The following LAMA1 variants were observed in gnomAD, a reference collection of about 807,000 sequenced individuals.
LAMA1 encodes the protein laminin subunit alpha 1, also known as laminin subunit alpha-1.
LAMA1 carries 219 observed loss-of-function variants against 348.7 expected under a neutral mutation model. That is an observed-to-expected ratio of 0.63 (90% CI 0.56 to 0.70). LAMA1 has a LOEUF of 0.70. LAMA1 is among the 30% of genes least tolerant of loss of function. The pLI, the probability that LAMA1 is intolerant of heterozygous loss-of-function variation, is 0.00. For missense variants in LAMA1, 3,744 were observed against 3,888.0 expected, an observed-to-expected ratio of 0.96 and a Z score of 0.99; for synonymous variants, 1,487 against 1,491.0, an observed-to-expected ratio of 1.00 and a Z score of 0.06.
At position 7,011,417 on chromosome 18, in the gene LAMA1, C is replaced by T. The variant is rs148253534; in HGVS notation, c.3570G>A (p.Thr1190=). Residue 1190 remains threonine (T), a synonymous_variant, in exon 25 of 63, where the codon ACG becomes ACA. Transcript: ENST00000389658. The part of the protein sequence containing the change: ...RVVSQSNLRG[T]TEGVYYQAPD... ...GGGCCTGGTAGTAAACCCCCTCGGT[C>T]GTGCCCCTCAAGTTACTCTGAGAAA... 9.3e-6 allele frequency: 15 copies of T among 1,608,492 alleles called. No individual in the cohort carries two copies. The highest frequency in any genetic ancestry group is 2.7e-5 in the African/African-American group (2 of 74,842).
chr18:6,991,386 CTTCTT>C (rs2057757797), intron 36 of LAMA1, among the ~76,000 whole-genome samples: 1 of 137,170 alleles, frequency 7.3e-6, no homozygotes, highest in African/African-American at 2.7e-5. Context: ...TCCACTTCTT[CTTCTT>C]TTTTTTTTTT....
intron 1 of LAMA1, among the ~76,000 whole-genome samples, chr18:7,103,183 C>A (rs923041306): frequency 6.6e-6 from 1 of 152,038 alleles, no homozygotes; most frequent in Admixed American, 6.5e-5. Context: ...TTTGGGAGGC[C>A]GAGGCAGGCG....
intron 50 of LAMA1, 129 bp downstream of exon 50, chr18:6,965,159 C>T: frequency 2.5e-6 from 3 of 1,218,156 alleles, no homozygotes; most frequent in Non-Finnish European, 3.6e-6. Context: ...CCAAAGACAA[C>T]ACTGGCTTCC....
rs754834851 is a variant in LAMA1, at chr18:7,007,090, G to A, written c.4260+49C>T. 34 of 1,608,410 alleles carry A rather than the reference G, an allele frequency of 2.1e-5. No homozygotes were observed. The East Asian group carries it at 2.7e-4, about 13-fold the overall frequency. ...TTAGACCGGAAATCTGACACTCAGCGTCCACTTTACTTCTAAACTCAGGCA... is the reference window on the plus strand; with the variant it reads ...TTAGACCGGAAATCTGACACTCAGCATCCACTTTACTTCTAAACTCAGGCA... On this transcript the variant is annotated intron_variant, in intron 29 of 62. Transcript: ENST00000389658.
At chr18:6,956,578 G>A in intron 56 of LAMA1, 58 bp downstream of exon 56, 1 of 1,611,864 alleles carries the variant, frequency 6.2e-7, no homozygotes, top group Non-Finnish European at 8.5e-7. Context: ...AACTCCCTCT[G>A]TCCTAGGCCC....
In LAMA1 at chr18:7,023,277, C is replaced by A. The variant is rs1406446734; in HGVS notation, c.2588G>T (p.Cys863Phe). The change falls in exon 19 of 63, where the codon TGT becomes TTT. Residue 863 changes from cysteine (C) to phenylalanine (F), a missense_variant. By Grantham distance (205) the Cys-to-Phe change is radical. Around this residue, in one of 3 missense-constraint regions of LAMA1, gnomAD observed 1,529 missense variants for 1,689.4 expected, o/e 0.91. Coordinates refer to ENST00000389658, the MANE Select transcript of LAMA1 (RefSeq NM_005559.4). ...CAGGCACTCCCCGGTGACTGAGTCA[C>A]AGTGACCAGCCTCCGAGGGGTCCAC... ...GNVDPSEAGH[C>F]DSVTGECLKC... The A allele has an allele frequency of 5.0e-6, 8 of 1,614,178 alleles. No homozygotes were observed. The highest frequency in any genetic ancestry group is 6.8e-6 in the Non-Finnish European group (8 of 1,180,042).
Position 6,949,237 on chromosome 18 carries a change from C to T in LAMA1, c.8420G>A (p.Arg2807Lys), listed in dbSNP as rs2143971543. 6.2e-7 allele frequency: 1 copy of T among 1,614,174 alleles called. No homozygotes were observed. The highest frequency in any genetic ancestry group is 1.7e-5 in the Admixed American group (1 of 60,018). Residue 2807 changes from arginine (R) to lysine (K), a missense_variant, in exon 59 of 63, where the codon AGA becomes AAA. By Grantham distance (26) the Arg-to-Lys change is conservative (BLOSUM62 2). Coordinates refer to ENST00000389658, the MANE Select transcript of LAMA1 (RefSeq NM_005559.4). ...GCCGTCGACAGTTATGAAGCCTTTTCTTTTAACATAGTCTGTCTTGACCTA... is the reference window on the plus strand; with the variant it reads ...GCCGTCGACAGTTATGAAGCCTTTTTTTTTAACATAGTCTGTCTTGACCTA... ...WHTVKTDYVK[R>K]KGFITVDGRE...
chr18:7,017,465 A>C (rs1449850141), intron 19 of LAMA1, 81 bp from the exon 20 acceptor site: 1 of 924,776 alleles, frequency 1.1e-6, no homozygotes, highest in Admixed American at 2.0e-5. Flanking sequence ...CAAAGGAAAA[A>C]AAAAATGTAA....
rs770507730 is a variant in LAMA1, at chr18:7,015,743, G to A, written c.3105C>T (p.Tyr1035=). ...TCACCTGGCACCCCACCTCCGCATC[G>A]TAGCCCCAGTGCCCATCCTCACATT... ...CEECEDGHWG[Y]DAEVGCQACN... is the part of the protein sequence containing the mutation. The change falls in exon 22 of 63, where the codon TAC becomes TAT. Residue 1035 remains tyrosine, a synonymous_variant. Coordinates refer to ENST00000389658, the MANE Select transcript of LAMA1 (RefSeq NM_005559.4). The A allele has an allele frequency of 2.8e-5, 46 of 1,614,042 alleles. No homozygotes were observed. The highest frequency in any genetic ancestry group is 3.6e-5 in the Non-Finnish European group (42 of 1,180,020).
chr18:6,976,012 G>T lies in LAMA1; in HGVS notation c.6414C>A (p.Asn2138Lys), dbSNP rs774622677. Residue 2138 changes from asparagine (N) to lysine (K), a missense_variant, in exon 45 of 63, where the codon AAC becomes AAA. This residue lies in a region of LAMA1 where 1,983 missense variants were observed against 1,934.3 expected (regional missense o/e 1.03). Transcript: ENST00000389658. ...TAACATTTAGTGTTAAGGTATTGTAGTTGGTAGAGGAAATCTGAGGCTGGT... is the reference window on the plus strand; with the variant it reads ...TAACATTTAGTGTTAAGGTATTGTATTTGGTAGAGGAAATCTGAGGCTGGT... ...RAYQPQISST[N>K]YNTLTLNVKT... The T allele has an allele frequency of 6.2e-7, 1 of 1,614,190 alleles. No homozygotes were observed. Among genetic ancestry groups the T allele is most frequent in the South Asian group, 1.1e-5 (1 of 91,092 alleles).
At chr18:7,113,115 C>A (rs1044963053) in intron 1 of LAMA1, among the ~76,000 whole-genome samples, 14 of 152,056 alleles carry the variant, frequency 9.2e-5, no homozygotes, top group African/African-American at 3.1e-4. Context: ...AGTCATTGGC[C>A]CCATGACAGG....
At chr18:6,966,122 C>T (rs766889670) in intron 49 of LAMA1, 25 bp downstream of exon 49, 1 of 1,613,388 alleles carries the variant, frequency 6.2e-7, no homozygotes, top group Non-Finnish European at 8.5e-7. Flanking sequence ...TACAGTAGGG[C>T]CTAGGGCCGC....
At chr18:7,069,240 T>C (rs935417914) in intron 3 of LAMA1, among the ~76,000 whole-genome samples, 2 of 152,210 alleles carry the variant, frequency 1.3e-5, no homozygotes, top group Non-Finnish European at 2.9e-5. Flanking sequence ...AAAAACTCCA[T>C]CTTGTTCCTA....
In LAMA1 at chr18:6,956,640, A is replaced by G; in HGVS notation, c.8090T>C (p.Phe2697Ser). 1 of 1,614,028 alleles carries G rather than the reference A, an allele frequency of 6.2e-7. No individual in the cohort carries two copies. The highest frequency in any genetic ancestry group is 2.2e-5 in the East Asian group (1 of 44,886). Reference sequence around the variant, plus strand: ...AGTAAAGGAAGCCGCTCCTACTGGAAAAGCCCGGGGCTCTGGCAAGAGCTT... The same window carrying G: ...AGTAAAGGAAGCCGCTCCTACTGGAGAAGCCCGGGGCTCTGGCAAGAGCTT... ...DSKLLPEPRA[F>S]PEQCVVDAAL... The change falls in exon 56 of 63, where the codon TTT becomes TCT. Residue 2697 changes from phenylalanine (F) to serine (S), a missense_variant. By Grantham distance (155) the Phe-to-Ser change is radical. Around this residue, in one of 3 missense-constraint regions of LAMA1, gnomAD observed 1,983 missense variants for 1,934.3 expected, o/e 1.03. Transcript: ENST00000389658.
intron 1 of LAMA1, among the ~76,000 whole-genome samples, chr18:7,102,188 C>A (rs539392761): frequency 6.6e-6 from 1 of 152,126 alleles, no homozygotes; most frequent in Non-Finnish European, 1.5e-5. Flanking sequence ...AAGTTAGAAA[C>A]CACTAAAGAC....
At chr18:7,096,457 G>A (rs2058261553) in intron 1 of LAMA1, among the ~76,000 whole-genome samples, 1 of 152,118 alleles carries the variant, frequency 6.6e-6, no homozygotes, top group South Asian at 2.1e-4. Flanking sequence ...CAGGAAGACT[G>A]CTTGAGCCCA....
At position 6,964,775 on chromosome 18, in the gene LAMA1, G is replaced by A. The variant is rs1264334965; in HGVS notation, c.7224C>T (p.Asn2408=). The A allele has an allele frequency of 1.9e-6, 3 of 1,613,996 alleles. No individual in the cohort carries two copies. The highest frequency in any genetic ancestry group is 2.5e-6 in the Non-Finnish European group (3 of 1,180,038). Residue 2408 remains asparagine (N), a synonymous_variant, in exon 51 of 63, where the codon AAC becomes AAT. Transcript: ENST00000389658. ...CCTGCTTGGTTTCTTTATTACTGGT[G>A]TTATAGGCATCGATAACTGCTAGCA... ...QGVLAVIDAY[N]TSNKETKQGE... is the part of the protein sequence containing the mutation.
At chr18:6,999,397 A>G (rs1413101955) in intron 32 of LAMA1, 48 bp downstream of exon 32, 1 of 1,596,224 alleles carries the variant, frequency 6.3e-7, no homozygotes, top group Admixed American at 1.7e-5. Context: ...TTCCCGACAC[A>G]TTTGGGAGGA....
chr18:6,972,987 G>A (rs948556388), intron 47 of LAMA1, 70 bp downstream of exon 47: 75 of 1,572,610 alleles, frequency 4.8e-5, no homozygotes, highest in Non-Finnish European at 6.0e-5. Flanking sequence ...CACCACGCCC[G>A]GCCCATGACT....
Sources: gnomAD v4.1 joint callset for allele counts (sites outside exome capture counted in the v4.1 genomes callset) on GRCh38, gnomAD v4.1.1 for gene constraint, gnomAD v4.1.1 regional missense constraint, MANE v1.5 for transcripts, NCBI Gene and HGNC (gene_info 2026-07-23, HGNC 2026-07-21) for gene names.